Variants in MLLT3 observed in about 807,000 individuals in gnomAD.
MLLT3 encodes the protein protein AF-9.
MLLT3 carries 4 observed loss-of-function variants against 53.2 expected under a neutral mutation model. The ratio of observed to expected loss-of-function variants is 0.08; its 90% CI spans 0.04 to 0.17. The LOEUF (loss-of-function observed/expected upper bound fraction) is 0.17. MLLT3 is among the 10% of genes least tolerant of loss of function. The probability of loss-of-function intolerance (pLI) is 1.00; values close to 1 mark genes in which losing one functional copy is unlikely to be tolerated. For synonymous variants in MLLT3, 283 were observed against 230.6 expected (o/e 1.23, Z -2.06); for missense variants, 569 against 684.0 (o/e 0.83, Z 1.87).
chr9:20,419,410 T>G (rs1175182292), intron 4 of MLLT3, among the ~76,000 whole-genome samples: 3 of 150,830 alleles, frequency 2.0e-5, no homozygotes, highest in Admixed American at 6.6e-5. Context: ...TAAGAAGAGT[T>G]CCAGAAGGAA....
At chr9:20,416,328 T>C (rs914714040) in intron 4 of MLLT3, among the ~76,000 whole-genome samples, 5 of 152,016 alleles carry the variant, frequency 3.3e-5, no homozygotes, top group African/African-American at 1.2e-4. Context: ...ATATGAAGTA[T>C]TATACACATA....
At chr9:20,535,506 C>T (rs1327490773) in intron 2 of MLLT3, among the ~76,000 whole-genome samples, 1 of 152,052 alleles carries the variant, frequency 6.6e-6, no homozygotes, top group Non-Finnish European at 1.5e-5. Flanking sequence ...CACAATATAA[C>T]TTTTAATAGA....
chr9:20,463,553 C>A (rs1294959033), intron 2 of MLLT3, among the ~76,000 whole-genome samples: 1 of 152,156 alleles, frequency 6.6e-6, no homozygotes, highest in East Asian at 1.9e-4. Context: ...CTCAGGCTTA[C>A]ATCTTTCACT....
At position 20,483,674 on chromosome 9, in the gene MLLT3, C is replaced by G. The variant is rs548860910; in HGVS notation, c.194-26888G>C. On this transcript the variant is annotated intron_variant, in intron 2 of 10. Coordinates refer to ENST00000380338, the MANE Select transcript of MLLT3 (RefSeq NM_004529.4). ...TCAATATGACTTGATGTTACACTAACGAGATAACACAGTCAGTAAAACTCT... is the reference window on the plus strand; with the variant it reads ...TCAATATGACTTGATGTTACACTAAGGAGATAACACAGTCAGTAAAACTCT... 8.1e-4 allele frequency among the ~76,000 whole-genome samples: 119 copies of G among 146,860 alleles called. 2 individuals are homozygous for G. The highest frequency in any genetic ancestry group is 2.7e-3 in the African/African-American group (107 of 39,918).
chr9:20,463,288 G>T (rs76076288), intron 2 of MLLT3, among the ~76,000 whole-genome samples: 35 of 151,146 alleles, frequency 2.3e-4, no homozygotes, highest in Non-Finnish European at 4.3e-4. Context: ...GGGTGGGGGG[G>T]AGGAGAAATT....
At chr9:20,501,788 C>T (rs1292435363) in intron 2 of MLLT3, among the ~76,000 whole-genome samples, 1 of 142,700 alleles carries the variant, frequency 7.0e-6, no homozygotes, top group Admixed American at 7.0e-5. Flanking sequence ...AAAAAAAAAC[C>T]GCACCCAAGA....
At chr9:20,406,297 T>C (rs972751101) in intron 5 of MLLT3, among the ~76,000 whole-genome samples, 1 of 152,036 alleles carries the variant, frequency 6.6e-6, no homozygotes, top group Non-Finnish European at 1.5e-5. Context: ...TCTCTACTAA[T>C]TCATGCCTCT....
At chr9:20,375,522 C>G (rs1821739291) in intron 5 of MLLT3, among the ~76,000 whole-genome samples, 1 of 152,074 alleles carries the variant, frequency 6.6e-6, no homozygotes, top group Non-Finnish European at 1.5e-5. Context: ...TGTGTCTGAT[C>G]CATTGCTTCT....
intron 5 of MLLT3, among the ~76,000 whole-genome samples, chr9:20,412,787 G>A (rs1023614097): frequency 6.6e-6 from 1 of 152,186 alleles, no homozygotes; most frequent in Non-Finnish European, 1.5e-5. Flanking sequence ...AAAAAATAGT[G>A]AAGTAAGGAG....
intron 7 of MLLT3, 118 bp downstream of exon 7, chr9:20,363,358 A>C (rs1587156434): frequency 1.0e-5 from 12 of 1,191,188 alleles, no homozygotes; most frequent in Non-Finnish European, 1.4e-5. Flanking sequence ...GCATCAAATG[A>C]ATGTGACCAT....
At chr9:20,390,814 T>C (rs909209824) in intron 5 of MLLT3, among the ~76,000 whole-genome samples, 6 of 152,208 alleles carry the variant, frequency 3.9e-5, no homozygotes, top group African/African-American at 7.2e-5. Context: ...AGATATCTTA[T>C]AGATTAAATT....
Position 20,467,610 on chromosome 9 carries a change from C to T in MLLT3, c.194-10824G>A, listed in dbSNP as rs140588403. The stretch of plus-strand genomic sequence containing the variant: ...AAATAACAAAATAAAAAATAAAAGT[C>T]GATGAGCAGATTTAATCTTATTTAG... On this transcript the variant is annotated intron_variant, in intron 2 of 10. Coordinates refer to ENST00000380338, the MANE Select transcript of MLLT3 (RefSeq NM_004529.4). 3.7e-3 allele frequency among the ~76,000 whole-genome samples: 563 copies of T among 152,014 alleles called. 3 individuals are homozygous for T. The highest frequency in any genetic ancestry group is 0.013 in the African/African-American group (525 of 41,474).
chr9:20,423,429 G>C (rs1386113911), intron 4 of MLLT3, among the ~76,000 whole-genome samples: 1 of 152,020 alleles, frequency 6.6e-6, no homozygotes, highest in African/African-American at 2.4e-5. Flanking sequence ...ATTATTTTTT[G>C]GCAGGTGATT....
chr9:20,530,089 C>T (rs988124433), intron 2 of MLLT3, among the ~76,000 whole-genome samples: 8 of 152,142 alleles, frequency 5.3e-5, no homozygotes, highest in African/African-American at 1.4e-4. Flanking sequence ...AGCCTATACA[C>T]GTCAACAGTT....
chr9:20,357,972 C>T (rs1454240011), intron 8 of MLLT3, among the ~76,000 whole-genome samples: 1 of 144,024 alleles, frequency 6.9e-6, no homozygotes, highest in Non-Finnish European at 1.5e-5. Context: ...TTTTCTCCCT[C>T]CCTCCTGCGC....
At chr9:20,363,287 T>G in intron 7 of MLLT3, 189 bp downstream of exon 7, 1 of 569,606 alleles carries the variant, frequency 1.8e-6, no homozygotes, top group Non-Finnish European at 2.8e-6. Context: ...AAAAGCCTCT[T>G]TCTGAGAAAA....
chr9:20,365,279 C>T lies in MLLT3; in HGVS notation c.1201+390G>A, dbSNP rs553997992. On this transcript the variant is annotated intron_variant, in intron 6 of 10. Transcript: ENST00000380338. ...ACTGCATAAAAGCCAAGTTATGATT[C>T]GAATAATAAAACAGTATAAGGTGAT... Among the ~76,000 whole-genome samples, 6 of 152,168 alleles carry T rather than the reference C, an allele frequency of 3.9e-5. No individual in the cohort carries two copies. The South Asian group carries it at 1.2e-3, about 32-fold the overall frequency.
rs1041693440 is a variant in MLLT3, at chr9:20,342,401, T to C, written c.*4042A>G. Reference sequence around the variant, plus strand: ...TCCATTAAAAAGATACTGACAGATTTATAAAATGTATTGGCCTTGCACTGT... The same window carrying C: ...TCCATTAAAAAGATACTGACAGATTCATAAAATGTATTGGCCTTGCACTGT... On this transcript the variant is annotated 3_prime_UTR_variant, in exon 11 of 11. Transcript: ENST00000380338. The C allele has an allele frequency of 1.8e-5, 4 of 222,828 alleles. No homozygotes were observed. Among genetic ancestry groups the C allele is most frequent in the Non-Finnish European group, 3.6e-5 (4 of 111,686 alleles). 13.8% of individuals were successfully genotyped at this position (222,828 alleles called of 1,614,324 possible). A position where few individuals can be genotyped will look rare whatever the true frequency, so the allele number is the denominator to read the frequency against.
At chr9:20,574,243 T>A (rs1024490509) in intron 2 of MLLT3, among the ~76,000 whole-genome samples, 6 of 152,142 alleles carry the variant, frequency 3.9e-5, no homozygotes, top group African/African-American at 1.4e-4. Context: ...AAAAGAAACA[T>A]GACAAACACT....
Sources: allele counts gnomAD v4.1 joint callset (sites outside exome capture counted in the v4.1 genomes callset), GRCh38; gene constraint gnomAD v4.1.1; transcripts MANE v1.5; gene names NCBI Gene and HGNC (gene_info 2026-07-23, HGNC 2026-07-21).